FGF12: variants seen among roughly 807,000 people sequenced by gnomAD.
FGF12 encodes the protein fibroblast growth factor 12B.
In FGF12, 14 loss-of-function variants were observed where a neutral mutation model predicts 23.6. That is an observed-to-expected ratio of 0.59 (90% confidence interval 0.39 to 0.93). The LOEUF is 0.93. Ranked by LOEUF, FGF12 falls within the 40% of genes least tolerant of loss-of-function variation. The probability of loss-of-function intolerance (pLI) is 0.00; values close to 1 mark genes in which losing one functional copy is unlikely to be tolerated. For synonymous variants in FGF12, 62 were observed against 77.3 expected (o/e 0.80, Z 1.04); for missense variants, 175 against 217.8 (o/e 0.80, Z 1.24).
intron 2 of FGF12, among the ~76,000 whole-genome samples, chr3:192,472,110 G>A (rs892802252): frequency 3.3e-5 from 5 of 151,858 alleles, no homozygotes; most frequent in Admixed American, 6.6e-5. Flanking sequence ...TCTGCCTCTC[G>A]GGTTCAAGCA....
At chr3:192,438,021 T>C (rs1722081101) in intron 2 of FGF12, among the ~76,000 whole-genome samples, 1 of 152,248 alleles carries the variant, frequency 6.6e-6, no homozygotes, top group Non-Finnish European at 1.5e-5. Context: ...ATCCAACTTT[T>C]TTCCTCGAAC....
chr3:192,200,792 G>A (rs913090680), intron 4 of FGF12, among the ~76,000 whole-genome samples: 3 of 152,130 alleles, frequency 2.0e-5, no homozygotes, highest in Non-Finnish European at 4.4e-5. Flanking sequence ...TCTCTAGCAA[G>A]GCCTATGCTC....
intron 2 of FGF12, among the ~76,000 whole-genome samples, chr3:192,595,970 G>C (rs1032669121): frequency 6.6e-6 from 1 of 151,630 alleles, no homozygotes; most frequent in Non-Finnish European, 1.5e-5. Context: ...GTGCACGCCT[G>C]TAGTCCCAGC....
At chr3:192,524,147 G>A (rs1724886395) in intron 2 of FGF12, among the ~76,000 whole-genome samples, 1 of 152,120 alleles carries the variant, frequency 6.6e-6, no homozygotes, top group African/African-American at 2.4e-5. Flanking sequence ...CAGAACCCCT[G>A]CCCCCTTCCT....
intron 4 of FGF12, among the ~76,000 whole-genome samples, chr3:192,190,584 T>C (rs945551154): frequency 2.0e-5 from 3 of 148,862 alleles, no homozygotes; most frequent in African/African-American, 7.4e-5. Context: ...CACGCCATTC[T>C]CCTGCCTCAG....
At chr3:192,333,938 TG>T (rs960057546) in intron 4 of FGF12, among the ~76,000 whole-genome samples, 3 of 151,914 alleles carry the variant, frequency 2.0e-5, no homozygotes, top group Non-Finnish European at 2.9e-5. Context: ...CAAATGATTT[TG>T]GGGGGGAGTT....
intron 4 of FGF12, among the ~76,000 whole-genome samples, chr3:192,258,428 A>G (rs1712543063): frequency 2.0e-5 from 3 of 152,178 alleles, no homozygotes; most frequent in Admixed American, 2.0e-4. Flanking sequence ...ACTGCATTCC[A>G]GCTGGGTGAC....
rs959705488 is a variant in FGF12 at position 192,297,037 on chromosome 3, T to G, written c.228+38324A>C. 1.2e-4 allele frequency among the ~76,000 whole-genome samples: 18 copies of G among 152,198 alleles called. No homozygotes were observed. In the East Asian group the frequency reaches 2.7e-3, roughly 23 times the overall value. On this transcript the variant is annotated intron_variant, in intron 4 of 5. Coordinates refer to ENST00000445105, the MANE Select transcript of FGF12 (RefSeq NM_004113.6). ...TTTGTTCAAGTTTCATTATCTAGAC[T>G]TGTTTTTGGCACAACATGGTTATTG...
intron 2 of FGF12, among the ~76,000 whole-genome samples, chr3:192,664,292 G>A (rs1716774140): frequency 6.6e-6 from 1 of 152,132 alleles, no homozygotes; most frequent in African/African-American, 2.4e-5. Context: ...GAAGCATTGA[G>A]TGTGAGCACT....
At chr3:192,498,694 C>T (rs1378218730) in intron 2 of FGF12, among the ~76,000 whole-genome samples, 1 of 151,568 alleles carries the variant, frequency 6.6e-6, no homozygotes, top group African/African-American at 2.4e-5. Context: ...TGACTGAGAA[C>T]TAGAGTGACA....
intron 2 of FGF12, among the ~76,000 whole-genome samples, chr3:192,468,811 A>G (rs999163226): frequency 1.3e-5 from 2 of 152,140 alleles, no homozygotes; most frequent in African/African-American, 4.8e-5. Context: ...CAGGCACATT[A>G]TCTGCATTCA....
chr3:192,435,696 G>A (rs527307815), intron 2 of FGF12, among the ~76,000 whole-genome samples: 2 of 152,246 alleles, frequency 1.3e-5, no homozygotes, highest in South Asian at 4.1e-4. Flanking sequence ...TACTCTGAAG[G>A]ATGAAACAGC....
chr3:192,329,996 A>G (rs886246571), intron 4 of FGF12, among the ~76,000 whole-genome samples: 3 of 152,170 alleles, frequency 2.0e-5, no homozygotes, highest in Admixed American at 1.3e-4. Context: ...AATACCATTA[A>G]AATTATTTTG....
chr3:192,275,342 T>C (rs1348419839), intron 4 of FGF12, among the ~76,000 whole-genome samples: 1 of 150,674 alleles, frequency 6.6e-6, no homozygotes, highest in Non-Finnish European at 1.5e-5. Flanking sequence ...CCTTTGCAAG[T>C]AAAGTAACTT....
intron 2 of FGF12, among the ~76,000 whole-genome samples, chr3:192,710,757 A>C: frequency 6.6e-6 from 1 of 152,244 alleles, no homozygotes. Context: ...CTAGATATTT[A>C]TTCTTTGTAG....
intron 2 of FGF12, among the ~76,000 whole-genome samples, chr3:192,596,146 C>CATAATATAATATAATATAATATAATATAA (rs1713843336): frequency 1.6e-5 from 1 of 64,182 alleles, no homozygotes; most frequent in African/African-American, 5.8e-5. Flanking sequence ...ATATAATATA[C>CATAATATAATATAATATAATATAATATAA]TCTTAAAATG....
chr3:192,373,820 T>C (rs991559483), intron 2 of FGF12, among the ~76,000 whole-genome samples: 3 of 152,086 alleles, frequency 2.0e-5, no homozygotes, highest in Non-Finnish European at 4.4e-5. Flanking sequence ...GCCAGGACAA[T>C]ACTTTCAAGG....
intron 2 of FGF12, among the ~76,000 whole-genome samples, chr3:192,693,563 T>A (rs1485360273): frequency 6.6e-6 from 1 of 151,980 alleles, no homozygotes; most frequent in Admixed American, 6.6e-5. Flanking sequence ...AACCGACACA[T>A]AGACTAATGG....
chr3:192,657,238 G>C (rs1350092725), intron 2 of FGF12, among the ~76,000 whole-genome samples: 1 of 151,956 alleles, frequency 6.6e-6, no homozygotes. Context: ...TAACATGTCA[G>C]GGCGGTTATG....
Sources: gnomAD v4.1 joint callset for allele counts (sites outside exome capture counted in the v4.1 genomes callset) on GRCh38, gnomAD v4.1.1 for gene constraint, MANE v1.5 for transcripts, NCBI Gene and HGNC (gene_info 2026-07-23, HGNC 2026-07-21) for gene names.